COL4A5: variants seen among roughly 807,000 people sequenced by gnomAD.
COL4A5 encodes collagen alpha-5(IV) chain.
Under a neutral mutation model 130.2 loss-of-function variants are expected in COL4A5, and 26 were observed. That is an observed-to-expected ratio of 0.20 (90% CI 0.15 to 0.28). The LOEUF is 0.28. Among genes scored for constraint, COL4A5 ranks in the 10% least tolerant of loss-of-function variants. The pLI, the probability that COL4A5 is intolerant of heterozygous loss-of-function variation, is 1.00. For missense variants in COL4A5, 1,131 were observed against 1,344.3 expected, an observed-to-expected ratio of 0.84 and a Z score of 2.48; for synonymous variants, 496 against 439.6, an observed-to-expected ratio of 1.13 and a Z score of -1.60.
intron 2 of COL4A5, among the ~76,000 whole-genome samples, chrX:108,547,890 G>A (rs1004326718): frequency 8.9e-6 from 1 of 111,941 alleles, no homozygotes; most frequent in African/African-American, 3.2e-5. Context: ...GGCTCCGTGG[G>A]TTTAGGACCC....
chrX:108,476,067 T>C (rs2064830242), intron 1 of COL4A5, among the ~76,000 whole-genome samples: 1 of 111,214 alleles, frequency 9.0e-6, no homozygotes, highest in African/African-American at 3.3e-5. Flanking sequence ...GTGGAGAAAC[T>C]ATGTACTACC....
intron 1 of COL4A5, among the ~76,000 whole-genome samples, chrX:108,479,177 GT>G (rs2147522943): frequency 8.9e-6 from 1 of 112,533 alleles, no homozygotes; most frequent in South Asian, 3.7e-4. Context: ...GAGGTCACCT[GT>G]TGGTGAGCAA....
At chrX:108,527,009 G>A (rs1022445708) in intron 1 of COL4A5, among the ~76,000 whole-genome samples, 16 of 108,939 alleles carry the variant, frequency 1.5e-4, no homozygotes, top group African/African-American at 5.0e-4. Context: ...GGCTCAAGTG[G>A]TCCTCCCACC....
At chrX:108,597,329 CTT>C (rs748929270) in intron 23 of COL4A5, 46 bp from the exon 24 acceptor site, 3 of 1,141,557 alleles carry the variant, frequency 2.6e-6, no homozygotes, top group Non-Finnish European at 2.4e-6. Flanking sequence ...TTCTTTTTCT[CTT>C]TCTTCTTTTT....
chrX:108,696,328 G>A lies in COL4A5; in HGVS notation c.5026G>A (p.Asp1676Asn), dbSNP rs760299866. The A allele has an allele frequency of 8.3e-7, 1 of 1,208,336 alleles. No individual in the cohort carries two copies. The highest frequency in any genetic ancestry group is 1.7e-5 in the African/African-American group (1 of 57,249). ...TCAGTCAGAAACGCTGAAAGCAGGA[G>A]ACTTGAGGACACGAATTAGCCGATG... The part of the protein sequence containing the change: ...KPQSETLKAG[D>N]LRTRISRCQV... Residue 1676 changes from aspartate (D) to asparagine (N), a missense_variant, in exon 53 of 53, where the codon GAC becomes AAC. Physicochemically the swap from Asp to Asn is conservative, Grantham distance 23. Coordinates refer to ENST00000328300, the MANE Select transcript of COL4A5 (RefSeq NM_033380.3).
At chrX:108,545,341 T>C (rs532630375) in intron 2 of COL4A5, among the ~76,000 whole-genome samples, 1 of 111,973 alleles carries the variant, frequency 8.9e-6, no homozygotes, top group Admixed American at 9.5e-5. Context: ...AGAACATCTT[T>C]ATTTCTGCCT....
At chrX:108,648,171 T>G (rs1347546684) in intron 36 of COL4A5, among the ~76,000 whole-genome samples, 1 of 111,036 alleles carries the variant, frequency 9.0e-6, no homozygotes, top group East Asian at 2.8e-4. Flanking sequence ...AGCTCCTCCT[T>G]GTACCTCTGA....
At chrX:108,631,501 C>A (rs1214879881) in intron 36 of COL4A5, among the ~76,000 whole-genome samples, 1 of 110,817 alleles carries the variant, frequency 9.0e-6, no homozygotes, top group Non-Finnish European at 1.9e-5. Context: ...ATCTCTAGAA[C>A]TCTTCACCCC....
intron 43 of COL4A5, among the ~76,000 whole-genome samples, 155 bp from the exon 44 acceptor site, chrX:108,677,345 A>G (rs1410758352): frequency 4.5e-5 from 5 of 112,316 alleles, no homozygotes; most frequent in African/African-American, 1.6e-4. Flanking sequence ...TTCAATTTAT[A>G]TTAGAAAGGG....
intron 1 of COL4A5, among the ~76,000 whole-genome samples, chrX:108,447,343 C>T (rs966493721): frequency 6.3e-5 from 7 of 111,673 alleles, no homozygotes; most frequent in African/African-American, 1.6e-4. Flanking sequence ...TTAGTACATA[C>T]GGAATGTGAG....
At chrX:108,479,164 G>A (rs2064864733) in intron 1 of COL4A5, among the ~76,000 whole-genome samples, 1 of 112,485 alleles carries the variant, frequency 8.9e-6, no homozygotes, top group African/African-American at 3.2e-5. Flanking sequence ...ATCCTCCTCT[G>A]TTGAGGTCAC....
intron 49 of COL4A5, chrX:108,689,638 T>G (rs751375482): frequency 1.3e-6 from 1 of 754,116 alleles, no homozygotes; most frequent in African/African-American, 2.3e-5. Context: ...ATTGGAAGTA[T>G]CTTGATGACT....
intron 36 of COL4A5, 131 bp from the exon 37 acceptor site, chrX:108,655,200 A>G (rs963937294): frequency 9.9e-6 from 7 of 705,542 alleles, no homozygotes; most frequent in South Asian, 2.5e-5. Context: ...TGATGATTAA[A>G]TGAAGCAATT....
chrX:108,547,581 G>T (rs1403871969), intron 2 of COL4A5, among the ~76,000 whole-genome samples: 2 of 112,098 alleles, frequency 1.8e-5, no homozygotes, highest in Non-Finnish European at 3.8e-5. Context: ...GAGGCAGTCT[G>T]TCCGTTCTCA....
Position 108,655,440 on chromosome X carries a change from G to C in COL4A5, c.3356G>C (p.Gly1119Ala), listed in dbSNP as rs1461391769. 1.7e-6 allele frequency: 2 copies of C among 1,209,483 alleles called. No homozygotes were observed. Among genetic ancestry groups the C allele is most frequent in the Non-Finnish European group, 2.2e-6 (2 of 895,082 alleles). Reference sequence around the variant, plus strand: ...ACCCCTGGAGCAAAAGGACAACCAGGCCTTCCTGGATTCCCAGGTAAAATT... The same window carrying C: ...ACCCCTGGAGCAAAAGGACAACCAGCCCTTCCTGGATTCCCAGGTAAAATT... ...PGTPGAKGQPGLPGFPGTPGP... is the reference protein window; with the variant it reads ...PGTPGAKGQPALPGFPGTPGP... Residue 1119 changes from glycine (G) to alanine (A), a missense_variant, in exon 37 of 53, where the codon GGC becomes GCC. By Grantham distance (60) the Gly-to-Ala change is moderately conservative. Transcript: ENST00000328300.
At chrX:108,477,670 G>T (rs925472081) in intron 1 of COL4A5, among the ~76,000 whole-genome samples, 1 of 109,106 alleles carries the variant, frequency 9.2e-6, no homozygotes, top group African/African-American at 3.3e-5. Context: ...ATAAAAATGA[G>T]CCGGGTGTGG....
At chrX:108,604,082 G>A (rs2066688826) in intron 28 of COL4A5, among the ~76,000 whole-genome samples, 1 of 112,017 alleles carries the variant, frequency 8.9e-6, no homozygotes, top group Non-Finnish European at 1.9e-5. Context: ...AAAGTCATCT[G>A]TGAGAGTTAG....
At chrX:108,582,989 C>A (rs2066275619) in intron 17 of COL4A5, 52 bp downstream of exon 17, 1 of 965,720 alleles carries the variant, frequency 1.0e-6, no homozygotes, top group Non-Finnish European at 1.5e-6. Flanking sequence ...TAAAATAATC[C>A]TTTTCTTCTC....
intron 1 of COL4A5, among the ~76,000 whole-genome samples, chrX:108,521,796 T>C (rs966560828): frequency 8.9e-6 from 1 of 111,774 alleles, no homozygotes; most frequent in African/African-American, 3.3e-5. Flanking sequence ...TTGCACTGAT[T>C]TTTTTTAACA....
Sources: gnomAD v4.1 joint callset for allele counts (sites outside exome capture counted in the v4.1 genomes callset) on GRCh38, gnomAD v4.1.1 for gene constraint, MANE v1.5 for transcripts, NCBI Gene and HGNC (gene_info 2026-07-23, HGNC 2026-07-21) for gene names.